The following IFT88 variants were observed in gnomAD, a reference collection of about 807,000 sequenced individuals.
The protein encoded by IFT88 is intraflagellar transport 88.
Under a neutral mutation model 119.5 loss-of-function variants are expected in IFT88, and 74 were observed. The ratio of observed to expected loss-of-function variants is 0.62; its 90% CI spans 0.51 to 0.75. IFT88 has a LOEUF of 0.75. Ranked by LOEUF, IFT88 falls within the 30% of genes least tolerant of loss-of-function variation. The pLI is 0.00. For synonymous variants in IFT88, 279 were observed against 316.7 expected (o/e 0.88, Z 1.26); for missense variants, 961 against 977.7 (o/e 0.98, Z 0.23).
intron 1 of IFT88, among the ~76,000 whole-genome samples, chr13:20,569,120 T>C (rs1293587016): frequency 6.6e-6 from 1 of 152,080 alleles, no homozygotes; most frequent in African/African-American, 2.4e-5. Flanking sequence ...TAATGAGAAA[T>C]TAACTCAAAA....
rs777978633 is a variant in IFT88, at chr13:20,641,309, A to G, written c.1593A>G (p.Leu531=). The change falls in exon 18 of 26, where the codon CTA becomes CTG. Residue 531 remains leucine, a synonymous_variant. Transcript: ENST00000351808. Reference sequence around the variant, plus strand: ...TTTAAGGCCTTACCTATGAGAAACTAAATCGGCTAGATGAGGCTTTGGACT... The same window carrying G: ...TTTAAGGCCTTACCTATGAGAAACTGAATCGGCTAGATGAGGCTTTGGACT... The part of the protein sequence containing the change: ...LYNIGLTYEK[L]NRLDEALDCF... The G allele has an allele frequency of 2.5e-6, 4 of 1,609,274 alleles. No individual in the cohort carries two copies. Among genetic ancestry groups the G allele is most frequent in the Admixed American group, 3.3e-5 (2 of 59,900 alleles).
At chr13:20,588,283 TTTAG>T (rs1177587890) in intron 3 of IFT88, among the ~76,000 whole-genome samples, 1 of 152,138 alleles carries the variant, frequency 6.6e-6, no homozygotes, top group Non-Finnish European at 1.5e-5. Context: ...TTTTATAGTT[TTTAG>T]TTCATTTTCC....
Position 20,631,040 on chromosome 13 carries a change from G to GA in IFT88, c.1331dup (p.Asp445GlyfsTer3). The GA allele has an allele frequency of 1.9e-6, 3 of 1,595,582 alleles. No individual in the cohort carries two copies. Among genetic ancestry groups the GA allele is most frequent in the Non-Finnish European group, 1.7e-6 (2 of 1,163,586 alleles). Reference sequence around the variant, plus strand: ...GGCTGTAGAGATCTTAAAAGTGTTGGAAAAAAAGGACAGTAGAGTGAAAAG... The same window carrying GA: ...GGCTGTAGAGATCTTAAAAGTGTTGGAAAAAAAAGGACAGTAGAGTGAAAAG... On this transcript the variant is annotated frameshift_variant, in exon 16 of 26. Transcript: ENST00000351808. LOFTEE classifies it high-confidence loss of function.
chr13:20,589,484 G>A (rs186509475), intron 3 of IFT88, among the ~76,000 whole-genome samples: 50 of 152,254 alleles, frequency 3.3e-4, no homozygotes, highest in African/African-American at 1.2e-3. Context: ...TGTGTCTATT[G>A]TTTGGCCTAG....
At position 20,641,508 on chromosome 13, in the gene IFT88, G is replaced by T. The variant is rs998770297; in HGVS notation, c.1682+110G>T. The T allele has an allele frequency of 2.4e-5, 15 of 617,726 alleles. No homozygotes were observed. The African/African-American group carries it at 2.7e-4, about 11-fold the overall frequency. 38.3% of individuals were successfully genotyped at this position (617,726 alleles called of 1,614,324 possible). On this transcript the variant is annotated intron_variant, in intron 18 of 25. Transcript: ENST00000351808. ...GAAGTAATTGATGAGGATAATATTT[G>T]AAGTAAGTGATGAGGATAATCTGGC...
At chr13:20,655,166 G>GCTCA (rs1266698075) in intron 21 of IFT88, among the ~76,000 whole-genome samples, 3 of 152,138 alleles carry the variant, frequency 2.0e-5, no homozygotes, top group Non-Finnish European at 4.4e-5. Context: ...GGACACAGTG[G>GCTCA]CTCACGCCTG....
intron 22 of IFT88, among the ~76,000 whole-genome samples, chr13:20,658,605 G>A (rs1594722616): frequency 6.6e-6 from 1 of 152,230 alleles, no homozygotes; most frequent in Non-Finnish European, 1.5e-5. Flanking sequence ...CTAGGCAAGA[G>A]TTTCTCGGCC....
In IFT88 at chr13:20,667,653, A is replaced by G. The variant is rs191752112; in HGVS notation, c.2176-3320A>G. Among the ~76,000 whole-genome samples the G allele has an allele frequency of 9.4e-5, 14 of 149,366 alleles. No individual in the cohort carries two copies. In the East Asian group the frequency reaches 2.8e-3, roughly 29 times the overall value. On this transcript the variant is annotated intron_variant, in intron 23 of 25. Transcript: ENST00000351808. ...GAGGCAGGGTTTCACCATGTTGGTC[A>G]GGCTGGTCTTGAACTCCTGACCTTG...
At chr13:20,656,079 C>A (rs1278717031) in intron 21 of IFT88, among the ~76,000 whole-genome samples, 2 of 142,932 alleles carry the variant, frequency 1.4e-5, no homozygotes, top group Non-Finnish European at 3.0e-5. Context: ...TGTGAATAGC[C>A]ACTGTACTCC....
At chr13:20,621,666 C>T (rs1376860772) in intron 14 of IFT88, among the ~76,000 whole-genome samples, 4 of 152,012 alleles carry the variant, frequency 2.6e-5, no homozygotes, top group Non-Finnish European at 5.9e-5. Flanking sequence ...TTCCCCACTT[C>T]CTACCCAGAG....
chr13:20,624,925 C>G (rs2047074054), intron 14 of IFT88, among the ~76,000 whole-genome samples: 1 of 152,140 alleles, frequency 6.6e-6, no homozygotes, highest in Admixed American at 6.5e-5. Context: ...CTACTCTTAG[C>G]AAATTTTAAG....
chr13:20,577,674 T>C (rs1168663359), intron 2 of IFT88, among the ~76,000 whole-genome samples: 7 of 152,214 alleles, frequency 4.6e-5, no homozygotes, highest in Non-Finnish European at 8.8e-5. Flanking sequence ...TTGCATAAGT[T>C]GAACCATCCT....
chr13:20,620,714 T>C (rs544944615), intron 14 of IFT88, among the ~76,000 whole-genome samples: 6 of 152,056 alleles, frequency 3.9e-5, no homozygotes, highest in South Asian at 2.1e-4. Context: ...TACAGGCGCC[T>C]GCCACCACGC....
intron 1 of IFT88, among the ~76,000 whole-genome samples, chr13:20,572,963 G>T (rs2036676295): frequency 2.0e-5 from 3 of 152,036 alleles, no homozygotes; most frequent in Admixed American, 6.6e-5. Context: ...GCGTAAGTAT[G>T]CCACATTTTG....
At position 20,574,406 on chromosome 13, in the gene IFT88, G is replaced by A. The variant is rs1018900756; in HGVS notation, c.21G>A (p.Leu7=). Reference sequence around the variant, plus strand: ...TACAAATGATGCAAAATGTGCACCTGGCTCCAGAGACAGATGAAGATGATC... The same window carrying A: ...TACAAATGATGCAAAATGTGCACCTAGCTCCAGAGACAGATGAAGATGATC... MMQNVH[L]APETDEDDLY... The change falls in exon 2 of 26, where the codon CTG becomes CTA. Residue 7 remains leucine (L), a synonymous_variant. Transcript: ENST00000351808. The A allele has an allele frequency of 6.2e-7, 1 of 1,610,902 alleles. No individual in the cohort carries two copies. Among genetic ancestry groups the A allele is most frequent in the Non-Finnish European group, 8.5e-7 (1 of 1,177,992 alleles).
In IFT88 at chr13:20,651,783, T is replaced by A. The variant is rs531264861; in HGVS notation, c.1950-2093T>A. On this transcript the variant is annotated intron_variant, in intron 20 of 25. Coordinates refer to ENST00000351808, the MANE Select transcript of IFT88 (RefSeq NM_006531.5). ...TGTTTGTATAGGAAAAAAAATAGTA[T>A]ATATAGGGTTCAGTAGTATTTGTAG... Among the ~76,000 whole-genome samples, 4 of 152,112 alleles carry A rather than the reference T, an allele frequency of 2.6e-5. No individual in the cohort carries two copies. The South Asian group carries it at 8.3e-4, about 31-fold the overall frequency.
intron 21 of IFT88, among the ~76,000 whole-genome samples, chr13:20,654,981 C>A (rs2052484340): frequency 6.6e-6 from 1 of 152,182 alleles, no homozygotes; most frequent in African/African-American, 2.4e-5. Context: ...TCTATTTCAT[C>A]CCTCTTGTAG....
At chr13:20,686,396 T>A (rs1446846183) in intron 24 of IFT88, among the ~76,000 whole-genome samples, 1 of 152,224 alleles carries the variant, frequency 6.6e-6, no homozygotes, top group Non-Finnish European at 1.5e-5. Flanking sequence ...TTATTTATAG[T>A]GAATGCTTAA....
intron 20 of IFT88, among the ~76,000 whole-genome samples, chr13:20,647,684 TG>T (rs1282733397): frequency 1.3e-5 from 2 of 152,190 alleles, no homozygotes; most frequent in African/African-American, 4.8e-5. Flanking sequence ...TAATATTGAT[TG>T]TGATGATGGT....
Sources: allele counts gnomAD v4.1 joint callset (sites outside exome capture counted in the v4.1 genomes callset), GRCh38; gene constraint gnomAD v4.1.1; transcripts MANE v1.5; gene names NCBI Gene and HGNC (gene_info 2026-07-23, HGNC 2026-07-21).